Variants in CHRM3 observed in about 807,000 individuals in gnomAD.
CHRM3 encodes cholinergic receptor muscarinic 3.
In CHRM3, 11 loss-of-function variants were observed where a neutral mutation model predicts 41.8. The observed-to-expected ratio is 0.26, with a 90% CI of 0.17 to 0.44. CHRM3 has a LOEUF of 0.44. CHRM3 is among the 20% of genes least tolerant of loss of function. The probability of loss-of-function intolerance (pLI) is 1.00; values close to 1 mark genes in which losing one functional copy is unlikely to be tolerated. For synonymous variants in CHRM3, 297 were observed against 301.4 expected (o/e 0.99, Z 0.15); for missense variants, 571 against 745.4 (o/e 0.77, Z 2.72).
intron 5 of CHRM3, among the ~76,000 whole-genome samples, chr1:239,739,495 G>A (rs551525795): frequency 1.8e-3 from 274 of 152,244 alleles, no homozygotes; most frequent in African/African-American, 6.4e-3. Context: ...CTCCCCTTGT[G>A]CGTAGAATAT....
intron 3 of CHRM3, among the ~76,000 whole-genome samples, chr1:239,606,975 A>G (rs899703406): frequency 4.0e-5 from 6 of 151,846 alleles, no homozygotes; most frequent in African/African-American, 1.5e-4. Flanking sequence ...CTGGCTTCTT[A>G]CTCTTACCCC....
At chr1:239,403,275 T>C (rs913525423) in intron 1 of CHRM3, among the ~76,000 whole-genome samples, 11 of 152,214 alleles carry the variant, frequency 7.2e-5, no homozygotes, top group Non-Finnish European at 1.5e-5. Context: ...TTTTTATGTT[T>C]TATTCACTGA....
chr1:239,513,923 T>G (rs1379119217), intron 2 of CHRM3, among the ~76,000 whole-genome samples: 2 of 152,220 alleles, frequency 1.3e-5, no homozygotes, highest in African/African-American at 4.8e-5. Flanking sequence ...TGTTCCTTTG[T>G]CAAAGATCAG....
At chr1:239,772,111 T>C (rs1667724942) in intron 5 of CHRM3, among the ~76,000 whole-genome samples, 1 of 152,198 alleles carries the variant, frequency 6.6e-6, no homozygotes, top group Non-Finnish European at 1.5e-5. Context: ...GGGGTGGGTA[T>C]GAAGACAAAG....
At chr1:239,512,383 T>G (rs1012971627) in intron 2 of CHRM3, among the ~76,000 whole-genome samples, 1 of 152,158 alleles carries the variant, frequency 6.6e-6, no homozygotes, top group African/African-American at 2.4e-5. Context: ...CTAGTTTATT[T>G]AAGGGATCTC....
At chr1:239,601,071 G>A (rs1456401034) in intron 3 of CHRM3, among the ~76,000 whole-genome samples, 1 of 152,168 alleles carries the variant, frequency 6.6e-6, no homozygotes, top group African/African-American at 2.4e-5. Flanking sequence ...TTATTTGTAG[G>A]AATCCAGTGG....
chr1:239,884,357 C>A (rs1677893463), intron 6 of CHRM3, among the ~76,000 whole-genome samples: 1 of 152,076 alleles, frequency 6.6e-6, no homozygotes, highest in South Asian at 2.1e-4. Flanking sequence ...CAAGGAATGC[C>A]CAGAGCCACT....
intron 5 of CHRM3, among the ~76,000 whole-genome samples, chr1:239,774,170 C>A (rs749740819): frequency 5.3e-5 from 8 of 152,202 alleles, no homozygotes; most frequent in Admixed American, 1.3e-4. Flanking sequence ...TACCAGGACT[C>A]TTCCTAATTG....
At chr1:239,555,870 G>A (rs973062812) in intron 3 of CHRM3, among the ~76,000 whole-genome samples, 4 of 152,140 alleles carry the variant, frequency 2.6e-5, no homozygotes, top group Non-Finnish European at 5.9e-5. Context: ...TAAGCACCAA[G>A]GTGGAGCTCA....
chr1:239,870,112 CT>C (rs1676450186), intron 6 of CHRM3, among the ~76,000 whole-genome samples: 1 of 152,146 alleles, frequency 6.6e-6, no homozygotes, highest in African/African-American at 2.4e-5. Context: ...TGAGGTGCCC[CT>C]GGGAAGGTTC....
intron 4 of CHRM3, among the ~76,000 whole-genome samples, chr1:239,658,848 C>T (rs1225195945): frequency 1.3e-5 from 2 of 151,936 alleles, no homozygotes; most frequent in East Asian, 3.9e-4. Context: ...AAGCGATTCT[C>T]CCACCTCAGC....
intron 3 of CHRM3, among the ~76,000 whole-genome samples, chr1:239,576,312 C>T (rs767812627): frequency 2.0e-5 from 3 of 151,732 alleles, no homozygotes; most frequent in African/African-American, 4.8e-5. Context: ...GGCACTTACA[C>T]GTGAAATTAT....
chr1:239,874,326 T>TATATATATATACAC (rs1327295792), intron 6 of CHRM3, among the ~76,000 whole-genome samples: 3 of 121,990 alleles, frequency 2.5e-5, no homozygotes, highest in African/African-American at 9.2e-5. Flanking sequence ...TATATATATA[T>TATATATATATACAC]ACACAGTTGA....
chr1:239,771,360 C>T (rs1244853959), intron 5 of CHRM3, among the ~76,000 whole-genome samples: 3 of 152,186 alleles, frequency 2.0e-5, no homozygotes, highest in Non-Finnish European at 4.4e-5. Flanking sequence ...TGATCTCATT[C>T]CCTGAGACTC....
At chr1:239,800,384 TA>T (rs796251920) in intron 5 of CHRM3, among the ~76,000 whole-genome samples, 21 of 152,294 alleles carry the variant, frequency 1.4e-4, no homozygotes, top group African/African-American at 5.1e-4. Context: ...TTCCTCACAT[TA>T]AATAGCACAG....
At chr1:239,630,489 A>G (rs969750644) in intron 3 of CHRM3, among the ~76,000 whole-genome samples, 3 of 152,194 alleles carry the variant, frequency 2.0e-5, no homozygotes, top group East Asian at 3.9e-4. Flanking sequence ...TTTTACAGGG[A>G]TATTAGCAGT....
At chr1:239,638,390 T>G (rs61834771) in intron 4 of CHRM3, among the ~76,000 whole-genome samples, 3,529 of 150,788 alleles carry the variant, frequency 0.023, 70 homozygotes, top group Admixed American at 0.047. Context: ...CAGTGTAAAA[T>G]TGTTCCTGTT....
At chr1:239,850,348 G>C (rs537431069) in intron 6 of CHRM3, among the ~76,000 whole-genome samples, 1 of 152,290 alleles carries the variant, frequency 6.6e-6, no homozygotes, top group East Asian at 1.9e-4. Context: ...GGAGAAGGAA[G>C]AGAGGTGGGG....
chr1:239,429,706 G>A (rs936360984), intron 1 of CHRM3, among the ~76,000 whole-genome samples: 1 of 151,028 alleles, frequency 6.6e-6, no homozygotes, highest in African/African-American at 2.4e-5. Flanking sequence ...TGGTTAGTCT[G>A]ATTGCATTTT....
Sources: allele counts gnomAD v4.1 joint callset (sites outside exome capture counted in the v4.1 genomes callset), GRCh38; gene constraint gnomAD v4.1.1; transcripts MANE v1.5; gene names NCBI Gene and HGNC (gene_info 2026-07-23, HGNC 2026-07-21).